SCAPER: variants seen among roughly 807,000 people sequenced by gnomAD.
SCAPER encodes the protein S phase cyclin A-associated protein in the endoplasmic reticulum.
In SCAPER, 98 loss-of-function variants were observed where a neutral mutation model predicts 182.2. The observed-to-expected ratio is 0.54, with a 90% CI of 0.46 to 0.64. The LOEUF is 0.64. Among genes scored for constraint, SCAPER ranks in the 30% least tolerant of loss-of-function variants. The pLI, the probability that SCAPER is intolerant of heterozygous loss-of-function variation, is 0.00. For synonymous variants in SCAPER, 605 were observed against 564.6 expected (o/e 1.07, Z -1.01); for missense variants, 1,432 against 1,690.0 (o/e 0.85, Z 2.68).
chr15:76,881,822 T>C (rs1253069980), intron 2 of SCAPER, among the ~76,000 whole-genome samples: 2 of 152,316 alleles, frequency 1.3e-5, no homozygotes, highest in East Asian at 3.9e-4. Flanking sequence ...ACAATATGAA[T>C]GTACTTAATA....
intron 22 of SCAPER, among the ~76,000 whole-genome samples, chr15:76,607,290 G>C (rs1381585620): frequency 6.6e-6 from 1 of 152,122 alleles, no homozygotes; most frequent in African/African-American, 2.4e-5. Context: ...TAGTTTGGCT[G>C]GATATGAAAT....
chr15:76,540,814 T>A (rs963876506), intron 23 of SCAPER, among the ~76,000 whole-genome samples: 13 of 151,932 alleles, frequency 8.6e-5, no homozygotes, highest in Non-Finnish European at 1.8e-4. Context: ...TGATAGAATA[T>A]CATGTGGTTC....
chr15:76,743,299 T>C (rs773088406), intron 15 of SCAPER, among the ~76,000 whole-genome samples: 14 of 152,136 alleles, frequency 9.2e-5, no homozygotes, highest in African/African-American at 1.4e-4. Flanking sequence ...CTGAAAATGG[T>C]GACAACTGAG....
intron 24 of SCAPER, among the ~76,000 whole-genome samples, chr15:76,488,838 G>A (rs181633657): frequency 1.4e-4 from 20 of 145,910 alleles, no homozygotes; most frequent in Non-Finnish European, 2.4e-4. Context: ...CGATTCTCCT[G>A]CCTCAGCCCA....
chr15:76,860,908 G>C (rs1456137216), intron 3 of SCAPER, among the ~76,000 whole-genome samples: 1 of 152,124 alleles, frequency 6.6e-6, no homozygotes, highest in Non-Finnish European at 1.5e-5. Flanking sequence ...AGGAACAGGA[G>C]CCAAGTTAAA....
chr15:76,450,972 A>G (rs1469237623), intron 25 of SCAPER, among the ~76,000 whole-genome samples: 1 of 152,096 alleles, frequency 6.6e-6, no homozygotes, highest in Admixed American at 6.5e-5. Flanking sequence ...AAGATACAGA[A>G]CACTTTGATC....
intron 8 of SCAPER, among the ~76,000 whole-genome samples, chr15:76,777,815 C>T (rs1336916312): frequency 6.6e-6 from 1 of 152,158 alleles, no homozygotes; most frequent in Non-Finnish European, 1.5e-5. Context: ...AATGTGGTCA[C>T]AACCTGATAA....
At chr15:76,699,627 GC>G (rs1467653387) in intron 20 of SCAPER, among the ~76,000 whole-genome samples, 4 of 152,208 alleles carry the variant, frequency 2.6e-5, no homozygotes, top group Admixed American at 2.6e-4. Flanking sequence ...TGGACTGCAT[GC>G]CCTGGGGGAC....
At chr15:76,786,326 C>CAAAAA (rs35708368) in intron 8 of SCAPER, among the ~76,000 whole-genome samples, 5 of 110,940 alleles carry the variant, frequency 4.5e-5, no homozygotes, top group Admixed American at 2.0e-4. Context: ...GACTCTGTCT[C>CAAAAA]AAAAAAAAAA....
chr15:76,865,374 T>C (rs557665120), intron 2 of SCAPER, among the ~76,000 whole-genome samples: 2 of 152,248 alleles, frequency 1.3e-5, no homozygotes, highest in South Asian at 4.1e-4. Context: ...TAATAATTTA[T>C]AATAAACTCT....
At chr15:76,584,997 G>A (rs1409286093) in intron 22 of SCAPER, among the ~76,000 whole-genome samples, 1 of 152,146 alleles carries the variant, frequency 6.6e-6, no homozygotes, top group African/African-American at 2.4e-5. Flanking sequence ...TTCAGTTTAA[G>A]CCTCAGCTAT....
intron 22 of SCAPER, among the ~76,000 whole-genome samples, chr15:76,585,781 C>T (rs1225695440): frequency 1.3e-5 from 2 of 152,056 alleles, no homozygotes; most frequent in African/African-American, 2.4e-5. Flanking sequence ...AAAATAGCCC[C>T]TGTAAAGAAA....
chr15:76,641,067 C>T (rs1003498566), intron 21 of SCAPER, among the ~76,000 whole-genome samples: 2 of 152,124 alleles, frequency 1.3e-5, no homozygotes, highest in African/African-American at 4.8e-5. Flanking sequence ...TCTTCTAGGC[C>T]TCTTTAGGGT....
chr15:76,654,390 AG>A (rs1389808469), intron 21 of SCAPER, among the ~76,000 whole-genome samples: 2 of 152,222 alleles, frequency 1.3e-5, no homozygotes, highest in African/African-American at 4.8e-5. Context: ...CCTGGGTGAC[AG>A]AGCGAGACTC....
At chr15:76,732,974 C>T (rs371681421) in intron 16 of SCAPER, among the ~76,000 whole-genome samples, 63 of 152,308 alleles carry the variant, frequency 4.1e-4, no homozygotes, top group African/African-American at 1.2e-3. Context: ...ATGGCTCACA[C>T]GCCTTACCCT....
intron 10 of SCAPER, among the ~76,000 whole-genome samples, chr15:76,767,345 T>C (rs2063178655): frequency 6.6e-6 from 1 of 152,154 alleles, no homozygotes; most frequent in Non-Finnish European, 1.5e-5. Flanking sequence ...GACAGCTACG[T>C]ATGAGAAACT....
chr15:76,383,131 T>C lies in SCAPER; in HGVS notation c.3468-1516A>G, dbSNP rs562072716. Among the ~76,000 whole-genome samples, 69 of 151,402 alleles carry C rather than the reference T, an allele frequency of 4.6e-4. 3 individuals are homozygous for C. Among genetic ancestry groups the C allele is most frequent in the South Asian group, 2.7e-3 (13 of 4,802 alleles). The stretch of plus-strand genomic sequence containing the variant: ...ACACACACACACACCTACACACACA[T>C]ATATATACATATATACACATATATA... On this transcript the variant is annotated intron_variant, in intron 27 of 31. Coordinates refer to ENST00000563290, the MANE Select transcript of SCAPER (RefSeq NM_020843.4).
chr15:76,565,497 A>G (rs925164651), intron 23 of SCAPER, among the ~76,000 whole-genome samples: 2 of 152,132 alleles, frequency 1.3e-5, no homozygotes, highest in African/African-American at 4.8e-5. Context: ...ACACAGTCAG[A>G]ATGGCTATGA....
chr15:76,575,509 T>A (rs961353383), intron 22 of SCAPER, among the ~76,000 whole-genome samples: 11 of 152,236 alleles, frequency 7.2e-5, no homozygotes, highest in Non-Finnish European at 1.0e-4. Flanking sequence ...TTCACTCATC[T>A]TCTTCTCTGT....
Sources: allele counts gnomAD v4.1 joint callset (sites outside exome capture counted in the v4.1 genomes callset), GRCh38; gene constraint gnomAD v4.1.1; transcripts MANE v1.5; gene names NCBI Gene and HGNC (gene_info 2026-07-23, HGNC 2026-07-21).